Variants in ZSCAN5A observed in about 807,000 individuals in gnomAD.
ZSCAN5A encodes the protein zinc finger and SCAN domain containing 5A.
A neutral mutation model predicts 23.7 loss-of-function variants in ZSCAN5A; 12 were observed. The observed-to-expected ratio is 0.51, with a 90% CI of 0.32 to 0.82. The LOEUF (loss-of-function observed/expected upper bound fraction) is 0.82, where lower values mean the gene tolerates loss of function less well. ZSCAN5A is among the 40% of genes least tolerant of loss of function. The pLI is 0.03. For missense variants in ZSCAN5A, 597 were observed against 617.9 expected, an observed-to-expected ratio of 0.97 and a Z score of 0.36; for synonymous variants, 257 against 239.9, an observed-to-expected ratio of 1.07 and a Z score of -0.66.
rs117288294 is a variant in ZSCAN5A, at chr19:56,307,504, T to C, written c.-128+5779A>G. On this transcript the variant is annotated intron_variant, in intron 2 of 5. Transcript: ENST00000683990. The stretch of plus-strand genomic sequence containing the variant: ...CTAAGGTTAACTGTGTGACATTTAC[T>C]TATTATGAAGTGAGGTGATGAGATT... Among the ~76,000 whole-genome samples, 194 of 152,330 alleles carry C rather than the reference T, an allele frequency of 1.3e-3. 1 individual carries two copies. The highest frequency in any genetic ancestry group is 2.3e-3 in the Non-Finnish European group (157 of 68,028).
chr19:56,302,532 C>CCTT (rs752555827), intron 2 of ZSCAN5A, among the ~76,000 whole-genome samples: 1 of 26,634 alleles, frequency 3.8e-5, no homozygotes, highest in Non-Finnish European at 1.3e-4. Flanking sequence ...CTCCCTCCCT[C>CCTT]TTCTTCCTCC....
chr19:56,362,770 C>G (rs1194632682), intron 2 of ZSCAN5A, among the ~76,000 whole-genome samples: 1 of 151,156 alleles, frequency 6.6e-6, no homozygotes, highest in Non-Finnish European at 1.5e-5. Context: ...ACTTGGGAGG[C>G]TGAGGCAGGA....
At chr19:56,361,880 G>A (rs1311194298) in intron 2 of ZSCAN5A, among the ~76,000 whole-genome samples, 1 of 152,076 alleles carries the variant, frequency 6.6e-6, no homozygotes, top group African/African-American at 2.4e-5. Flanking sequence ...AAAAAAGGCA[G>A]GGTGCGGTGG....
intron 2 of ZSCAN5A, among the ~76,000 whole-genome samples, chr19:56,327,505 T>C (rs2041445606): frequency 6.6e-6 from 1 of 150,634 alleles, no homozygotes; most frequent in Admixed American, 6.6e-5. Context: ...ACATGTTAAA[T>C]ATGTATACCA....
chr19:56,304,374 G>C (rs1240363760), intron 2 of ZSCAN5A, among the ~76,000 whole-genome samples: 2 of 152,264 alleles, frequency 1.3e-5, no homozygotes, highest in African/African-American at 4.8e-5. Flanking sequence ...ACACTCAGCA[G>C]TGTCTGGACC....
intron 2 of ZSCAN5A, chr19:56,282,977 G>C (rs1237312736): frequency 2.0e-5 from 3 of 152,208 alleles, no homozygotes; most frequent in Non-Finnish European, 4.4e-5. Flanking sequence ...GGGGCAGAAG[G>C]CTAGGTCAGG....
intron 2 of ZSCAN5A, among the ~76,000 whole-genome samples, chr19:56,333,648 A>T (rs1316938855): frequency 6.6e-6 from 1 of 152,052 alleles, no homozygotes; most frequent in East Asian, 1.9e-4. Flanking sequence ...TTAGTAAACA[A>T]TAATAAAGTA....
chr19:56,244,784 T>G (rs1367614025), intron 2 of ZSCAN5A, among the ~76,000 whole-genome samples: 1 of 150,608 alleles, frequency 6.6e-6, no homozygotes, highest in East Asian at 1.9e-4. Flanking sequence ...AGAAAGACAT[T>G]GGTGAAATAT....
At chr19:56,354,032 G>A (rs1448359701) in intron 2 of ZSCAN5A, among the ~76,000 whole-genome samples, 2 of 152,126 alleles carry the variant, frequency 1.3e-5, no homozygotes, top group African/African-American at 2.4e-5. Flanking sequence ...GTAAAAGTCA[G>A]GCATGAAAGG....
chr19:56,249,018 C>T (rs375775833), intron 2 of ZSCAN5A, among the ~76,000 whole-genome samples: 4 of 152,070 alleles, frequency 2.6e-5, no homozygotes, highest in African/African-American at 4.8e-5. Flanking sequence ...CTGCCCCCCC[C>T]GAATCCTCTC....
intron 2 of ZSCAN5A, among the ~76,000 whole-genome samples, chr19:56,240,460 T>C (rs2035343362): frequency 6.6e-6 from 1 of 152,010 alleles, no homozygotes. Flanking sequence ...TCTCCATAAA[T>C]AGGCGCAGTT....
chr19:56,244,050 C>T (rs1156635877), intron 2 of ZSCAN5A: 3 of 978,564 alleles, frequency 3.1e-6, no homozygotes, highest in Non-Finnish European at 4.7e-6. Flanking sequence ...GATATGGCTG[C>T]AAATTGCAAC....
intron 2 of ZSCAN5A, among the ~76,000 whole-genome samples, chr19:56,286,224 G>A (rs1251092447): frequency 6.6e-6 from 1 of 151,986 alleles, no homozygotes; most frequent in Non-Finnish European, 1.5e-5. Flanking sequence ...GTTTCACCAT[G>A]TTGGCCAGGC....
chr19:56,269,713 G>C (rs1208307800), intron 2 of ZSCAN5A, among the ~76,000 whole-genome samples: 1 of 152,212 alleles, frequency 6.6e-6, no homozygotes, highest in Non-Finnish European at 1.5e-5. Context: ...AGAGAGATTT[G>C]AAGACGCCAT....
chr19:56,235,134 G>A (rs1387283496), intron 2 of ZSCAN5A, among the ~76,000 whole-genome samples: 6 of 77,732 alleles, frequency 7.7e-5, no homozygotes, highest in Admixed American at 2.7e-4. Context: ...TCTGATGGAC[G>A]GTGGGCCAAG....
chr19:56,329,257 G>A (rs1414549953), intron 2 of ZSCAN5A, among the ~76,000 whole-genome samples: 2 of 151,922 alleles, frequency 1.3e-5, no homozygotes, highest in East Asian at 3.9e-4. Context: ...GCTGAGGCAC[G>A]AGAATCAGTT....
chr19:56,277,151 AAAC>A (rs1301148831), intron 2 of ZSCAN5A, among the ~76,000 whole-genome samples: 2 of 152,280 alleles, frequency 1.3e-5, no homozygotes, highest in East Asian at 3.9e-4. Context: ...TCAAAATGTT[AAAC>A]ACTGAGTTAC....
At chr19:56,285,281 T>C (rs1331511314) in intron 2 of ZSCAN5A, among the ~76,000 whole-genome samples, 3 of 152,200 alleles carry the variant, frequency 2.0e-5, no homozygotes, top group African/African-American at 7.2e-5. Context: ...TGGGAAAATA[T>C]CGAGGAAACA....
At chr19:56,344,909 CAAAAAAAA>C (rs1019131536) in intron 2 of ZSCAN5A, among the ~76,000 whole-genome samples, 6 of 19,048 alleles carry the variant, frequency 3.1e-4, no homozygotes, top group African/African-American at 5.3e-4. Flanking sequence ...GACTCCGTCT[CAAAAAAAA>C]AAAAAAAAAA....
Sources: allele counts gnomAD v4.1 joint callset (sites outside exome capture counted in the v4.1 genomes callset), GRCh38; gene constraint gnomAD v4.1.1; transcripts MANE v1.5; gene names NCBI Gene and HGNC (gene_info 2026-07-23, HGNC 2026-07-21).